CCDC7: variants seen among roughly 807,000 people sequenced by gnomAD.
CCDC7 encodes the protein coiled-coil domain-containing protein 7.
In CCDC7, 183 loss-of-function variants were observed where a neutral mutation model predicts 196.9. The observed-to-expected ratio is 0.93, with a 90% CI of 0.82 to 1.05. CCDC7 has a LOEUF of 1.05. Among genes scored for constraint, CCDC7 ranks in the 50% least tolerant of loss-of-function variants. The pLI is 0.00. For synonymous variants in CCDC7, 525 were observed against 484.6 expected, an observed-to-expected ratio of 1.08 and a Z score of -1.10; for missense variants, 1,540 against 1,482.2, an observed-to-expected ratio of 1.04 and a Z score of -0.64.
At chr10:32,723,222 T>G (rs1448331356) in intron 25 of CCDC7, among the ~76,000 whole-genome samples, 3 of 152,138 alleles carry the variant, frequency 2.0e-5, no homozygotes, top group Non-Finnish European at 4.4e-5. Flanking sequence ...GCCCAGATGG[T>G]CCTGGAGAGA....
chr10:32,796,344 T>G (rs1486601941), intron 29 of CCDC7, among the ~76,000 whole-genome samples: 1 of 152,218 alleles, frequency 6.6e-6, no homozygotes, highest in Non-Finnish European at 1.5e-5. Context: ...TACTCAATTA[T>G]TGTTTAGTAA....
chr10:32,627,740 C>T lies in CCDC7; in HGVS notation c.1802-6514C>T, dbSNP rs532597256. 7.2e-5 allele frequency among the ~76,000 whole-genome samples: 11 copies of T among 151,818 alleles called. No homozygotes were observed. In the East Asian group the frequency reaches 2.1e-3, roughly 29 times the overall value. On this transcript the variant is annotated intron_variant, in intron 18 of 41. Transcript: ENST00000639629. ...ATCATGAAAGTATGTTGAATTTTGT[C>T]AAATGCCTCTTCTGCATCTATTGAG...
intron 11 of CCDC7, among the ~76,000 whole-genome samples, chr10:32,534,941 C>T (rs903481770): frequency 6.6e-6 from 1 of 151,688 alleles, no homozygotes; most frequent in African/African-American, 2.4e-5. Flanking sequence ...GTCAAGGAAC[C>T]CAGCATTGGT....
At chr10:32,754,749 G>A (rs1469800767) in intron 28 of CCDC7, among the ~76,000 whole-genome samples, 2 of 152,090 alleles carry the variant, frequency 1.3e-5, no homozygotes, top group Non-Finnish European at 2.9e-5. Context: ...CTAAGTTAAC[G>A]GGTTCCTCTC....
At chr10:32,872,507 G>A (rs2094465439) in intron 41 of CCDC7, among the ~76,000 whole-genome samples, 1 of 152,012 alleles carries the variant, frequency 6.6e-6, no homozygotes, top group South Asian at 2.1e-4. Flanking sequence ...GCCAGTCTGT[G>A]TCTTTTAATT....
rs2038846904 is a variant in CCDC7, at chr10:32,475,711, T to G, written c.796+1688T>G. ...TGTATTTCACTTGTTTACCATAATT[T>G]TCTTTTAAAAGTACCTCCTGTCTTC... On this transcript the variant is annotated intron_variant, in intron 8 of 41. Coordinates refer to ENST00000639629, the Ensembl canonical transcript of CCDC7. Among the ~76,000 whole-genome samples the G allele has an allele frequency of 2.0e-5, 3 of 152,160 alleles. No individual in the cohort carries two copies. The South Asian group carries it at 6.2e-4, about 32-fold the overall frequency.
At chr10:32,574,505 AC>A in intron 16 of CCDC7, 7 of 1,545,848 alleles carry the variant, frequency 4.5e-6, no homozygotes, top group Non-Finnish European at 6.1e-6. Context: ...AAGTAAGGAG[AC>A]CCCACCTGAG....
intron 15 of CCDC7, among the ~76,000 whole-genome samples, chr10:32,569,240 A>G (rs904139291): frequency 1.3e-5 from 2 of 152,342 alleles, no homozygotes; most frequent in East Asian, 3.9e-4. Context: ...TGTTCTGGTA[A>G]TAGTGAAACA....
At chr10:32,671,092 C>T (rs2073974694) in intron 21 of CCDC7, among the ~76,000 whole-genome samples, 2 of 152,046 alleles carry the variant, frequency 1.3e-5, no homozygotes, top group African/African-American at 4.8e-5. Context: ...AAAATTCATT[C>T]AAAATTTAGT....
At chr10:32,663,442 A>T (rs1405775993) in intron 20 of CCDC7, among the ~76,000 whole-genome samples, 1 of 152,100 alleles carries the variant, frequency 6.6e-6, no homozygotes. Flanking sequence ...CCTGTGTTTC[A>T]ATTTCTAAAA....
intron 18 of CCDC7, among the ~76,000 whole-genome samples, chr10:32,616,082 T>G (rs189846319): frequency 6.6e-6 from 1 of 152,254 alleles, no homozygotes; most frequent in Non-Finnish European, 1.5e-5. Flanking sequence ...TAATTTGAAG[T>G]CAGGTAATGT....
At chr10:32,611,022 A>G (rs1226084169) in intron 18 of CCDC7, among the ~76,000 whole-genome samples, 1 of 152,226 alleles carries the variant, frequency 6.6e-6, no homozygotes, top group Non-Finnish European at 1.5e-5. Flanking sequence ...TGGTTGAACT[A>G]ATTGACACTC....
chr10:32,734,158 G>C (rs554918082), intron 28 of CCDC7, among the ~76,000 whole-genome samples: 16 of 152,210 alleles, frequency 1.1e-4, no homozygotes, highest in Admixed American at 2.6e-4. Context: ...ATTCACAACA[G>C]CAAAGATACG....
intron 39 of CCDC7, among the ~76,000 whole-genome samples, chr10:32,850,538 A>C (rs891657482): frequency 3.3e-5 from 5 of 152,190 alleles, no homozygotes; most frequent in African/African-American, 1.2e-4. Context: ...GCAAGAACAC[A>C]GAGACCGTCA....
intron 13 of CCDC7, among the ~76,000 whole-genome samples, chr10:32,559,226 C>T (rs1196054309): frequency 1.3e-5 from 2 of 152,256 alleles, no homozygotes; most frequent in South Asian, 2.1e-4. Flanking sequence ...CCTCTGTAGG[C>T]TCCACCTCTG....
At chr10:32,764,144 C>T (rs143435924) in intron 28 of CCDC7, among the ~76,000 whole-genome samples, 128 of 151,824 alleles carry the variant, frequency 8.4e-4, no homozygotes, top group African/African-American at 2.8e-3. Flanking sequence ...TCCGAAGAAA[C>T]TATAATTGCC....
chr10:32,633,696 A>ATATATATATATGTGTGTG (rs779341941), intron 18 of CCDC7, among the ~76,000 whole-genome samples: 4 of 135,224 alleles, frequency 3.0e-5, no homozygotes, highest in South Asian at 5.5e-4. Context: ...ATATATATAT[A>ATATATATATATGTGTGTG]TGTGTGTGTG....
At chr10:32,533,117 G>C (rs2049935025) in intron 11 of CCDC7, among the ~76,000 whole-genome samples, 1 of 151,836 alleles carries the variant, frequency 6.6e-6, no homozygotes, top group Non-Finnish European at 1.5e-5. Context: ...GACTTTTAGT[G>C]AATCTATTAC....
At chr10:32,606,335 T>C (rs1045949625) in intron 18 of CCDC7, among the ~76,000 whole-genome samples, 2 of 152,150 alleles carry the variant, frequency 1.3e-5, no homozygotes, top group Non-Finnish European at 2.9e-5. Context: ...ACTACAGCAG[T>C]GTCAAGGGGA....
Sources: gnomAD v4.1 joint callset for allele counts (sites outside exome capture counted in the v4.1 genomes callset) on GRCh38, gnomAD v4.1.1 for gene constraint, MANE v1.5 for transcripts, NCBI Gene and HGNC (gene_info 2026-07-23, HGNC 2026-07-21) for gene names.